The following PRKG1 variants were observed in gnomAD, a reference collection of about 807,000 sequenced individuals.
PRKG1 encodes cGMP-dependent protein kinase 1.
In PRKG1, 35 loss-of-function variants were observed where a neutral mutation model predicts 88.1. That is an observed-to-expected ratio of 0.40 (90% CI 0.30 to 0.53). The LOEUF (loss-of-function observed/expected upper bound fraction) is 0.53. PRKG1 is among the 20% of genes least tolerant of loss of function. PRKG1 has a pLI of 0.59. For synonymous variants in PRKG1, 303 were observed against 292.5 expected, an observed-to-expected ratio of 1.04 and a Z score of -0.37; for missense variants, 540 against 839.8, an observed-to-expected ratio of 0.64 and a Z score of 4.41.
At chr10:52,066,648 G>A (rs7900087) in intron 7 of PRKG1, among the ~76,000 whole-genome samples, 26,289 of 152,110 alleles carry the variant, frequency 0.17, 2,861 homozygotes, top group South Asian at 0.28. Context: ...GGCAAACTGG[G>A]AAGTCTTATG....
chr10:51,290,061 G>T (rs1218271573), intron 2 of PRKG1, among the ~76,000 whole-genome samples: 1 of 152,068 alleles, frequency 6.6e-6, no homozygotes, highest in East Asian at 1.9e-4. Flanking sequence ...AGTGAATTGA[G>T]ATAAATATAC....
intron 8 of PRKG1, among the ~76,000 whole-genome samples, chr10:52,146,431 G>A (rs1837729653): frequency 6.6e-6 from 1 of 152,078 alleles, no homozygotes; most frequent in African/African-American, 2.4e-5. Flanking sequence ...ACACATAGAT[G>A]CTAGATGTAC....
intron 2 of PRKG1, among the ~76,000 whole-genome samples, chr10:51,237,209 C>A (rs1839018795): frequency 6.6e-6 from 1 of 152,184 alleles, no homozygotes; most frequent in Non-Finnish European, 1.5e-5. Context: ...TTTTACCTTA[C>A]CAAAGTATCT....
At position 51,446,217 on chromosome 10, in the gene PRKG1, A is replaced by G. The variant is rs562187008; in HGVS notation, c.479-21506A>G. 5.3e-5 allele frequency among the ~76,000 whole-genome samples: 8 copies of G among 152,094 alleles called. No homozygotes were observed. The South Asian group carries it at 1.7e-3, about 32-fold the overall frequency. ...AAGTCAGTGTAATGACGTACATCCT[A>G]GAATTACCTTACCACCCAAAGCTTT... On this transcript the variant is annotated intron_variant, in intron 2 of 17. Coordinates refer to ENST00000373980, the MANE Select transcript of PRKG1 (RefSeq NM_006258.4).
intron 3 of PRKG1, among the ~76,000 whole-genome samples, chr10:51,765,245 T>C (rs1838128039): frequency 1.3e-5 from 2 of 152,196 alleles, no homozygotes; most frequent in Non-Finnish European, 2.9e-5. Context: ...TCAGGAAGCA[T>C]GATAGACAGT....
intron 1 of PRKG1, among the ~76,000 whole-genome samples, chr10:51,065,734 G>C (rs1843741930): frequency 6.6e-6 from 1 of 152,070 alleles, no homozygotes; most frequent in Non-Finnish European, 1.5e-5. Flanking sequence ...CAATTAGCCA[G>C]TATAGTGAGC....
chr10:52,201,978 C>G (rs145872158), intron 9 of PRKG1, among the ~76,000 whole-genome samples: 1 of 152,096 alleles, frequency 6.6e-6, no homozygotes, highest in East Asian at 1.9e-4. Flanking sequence ...GTTTTATAGA[C>G]GTAAAATCAT....
rs538729550 is a variant in PRKG1, at chr10:50,995,034, C to T, written c.266+3390C>T. On this transcript the variant is annotated intron_variant, in intron 1 of 17. Transcript: ENST00000401604. ...GAGTATCTGTGGATTTTGGTATCCTCGGAGGTCCTGGAACCAATCGCCCAT... is the reference window on the plus strand; with the variant it reads ...GAGTATCTGTGGATTTTGGTATCCTTGGAGGTCCTGGAACCAATCGCCCAT... Among the ~76,000 whole-genome samples, 5 of 152,180 alleles carry T rather than the reference C, an allele frequency of 3.3e-5. No homozygotes were observed. The South Asian group carries it at 6.2e-4, about 19-fold the overall frequency.
intron 3 of PRKG1, among the ~76,000 whole-genome samples, chr10:51,787,029 A>T (rs1354335789): frequency 1.3e-5 from 2 of 152,160 alleles, no homozygotes; most frequent in Non-Finnish European, 2.9e-5. Flanking sequence ...ATTTTTGGTC[A>T]TTGTGGTTAA....
chr10:52,036,274 T>C (rs1220000566), intron 5 of PRKG1, among the ~76,000 whole-genome samples: 1 of 151,826 alleles, frequency 6.6e-6, no homozygotes, highest in East Asian at 1.9e-4. Flanking sequence ...AATAATAGGT[T>C]ATAGAGGCAG....
intron 2 of PRKG1, among the ~76,000 whole-genome samples, chr10:51,440,258 A>G (rs1839062389): frequency 6.6e-6 from 1 of 151,880 alleles, no homozygotes; most frequent in Non-Finnish European, 1.5e-5. Flanking sequence ...GGTATAGTAT[A>G]AGTACAGACA....
intron 1 of PRKG1, among the ~76,000 whole-genome samples, chr10:51,137,341 C>G (rs969022605): frequency 1.3e-5 from 2 of 152,098 alleles, no homozygotes; most frequent in African/African-American, 2.4e-5. Context: ...TATATTTAAG[C>G]TATAAATATA....
chr10:52,133,701 C>A, intron 7 of PRKG1, 139 bp from the exon 8 acceptor site: 1 of 645,324 alleles, frequency 1.5e-6, no homozygotes, highest in Non-Finnish European at 2.5e-6. Flanking sequence ...AATTTTGAAA[C>A]ATAAACAAAG....
intron 1 of PRKG1, among the ~76,000 whole-genome samples, chr10:51,065,509 C>A (rs1004790390): frequency 7.2e-5 from 11 of 151,974 alleles, no homozygotes; most frequent in African/African-American, 2.4e-4. Context: ...TAAAAGAAAA[C>A]CCATTTTAAA....
chr10:51,997,053 G>C (rs1844464081), intron 5 of PRKG1, among the ~76,000 whole-genome samples: 1 of 148,174 alleles, frequency 6.7e-6, no homozygotes, highest in Non-Finnish European at 1.5e-5. Context: ...CTCAGATGTG[G>C]AACCTAAAAG....
At chr10:51,201,143 G>A (rs894533929) in intron 2 of PRKG1, among the ~76,000 whole-genome samples, 12 of 152,132 alleles carry the variant, frequency 7.9e-5, no homozygotes, top group Admixed American at 5.9e-4. Context: ...TAAGTGTATT[G>A]GCTCAGACTT....
intron 8 of PRKG1, among the ~76,000 whole-genome samples, chr10:52,134,191 A>G (rs1007649676): frequency 2.0e-5 from 3 of 152,158 alleles, no homozygotes; most frequent in Admixed American, 6.6e-5. Flanking sequence ...GATTAATGAG[A>G]ACATTTGAGT....
intron 2 of PRKG1, among the ~76,000 whole-genome samples, chr10:51,231,103 G>A (rs550554202): frequency 2.0e-5 from 3 of 152,200 alleles, no homozygotes; most frequent in South Asian, 2.1e-4. Context: ...AGAAGCCCTC[G>A]TTTACTTCAG....
intron 3 of PRKG1, among the ~76,000 whole-genome samples, chr10:51,710,445 T>C (rs868326440): frequency 1.9e-4 from 29 of 152,194 alleles, no homozygotes; most frequent in African/African-American, 6.5e-4. Flanking sequence ...GGGATTATGA[T>C]TTATAGTGGC....
Sources: gnomAD v4.1 joint callset for allele counts (sites outside exome capture counted in the v4.1 genomes callset) on GRCh38, gnomAD v4.1.1 for gene constraint, MANE v1.5 for transcripts, NCBI Gene and HGNC (gene_info 2026-07-23, HGNC 2026-07-21) for gene names.